Variants in SASH1 observed in about 807,000 individuals in gnomAD.
SASH1 encodes SAM and SH3 domain-containing protein 1.
SASH1 carries 44 observed loss-of-function variants against 125.2 expected under a neutral mutation model. That is an observed-to-expected ratio of 0.35 (90% CI 0.28 to 0.45). The LOEUF is 0.45. Among genes scored for constraint, SASH1 ranks in the 20% least tolerant of loss-of-function variants. The pLI is 1.00. For missense variants in SASH1, 1,426 were observed against 1,614.5 expected (o/e 0.88, Z 2.00); for synonymous variants, 639 against 649.1 (o/e 0.98, Z 0.24).
chr6:148,224,860 A>G, the SASH1 span, among the ~76,000 whole-genome samples: 1 of 152,212 alleles, frequency 6.6e-6, no homozygotes, highest in South Asian at 2.1e-4. Context: ...AGATCATCTT[A>G]GGAAAAAATA....
chr6:148,225,725 T>C, the SASH1 span, among the ~76,000 whole-genome samples: 1 of 152,130 alleles, frequency 6.6e-6, no homozygotes, highest in African/African-American at 2.4e-5. Flanking sequence ...CTATGGAAAT[T>C]TTTAAAATAA....
At chr6:148,348,367 C>A (rs1304395319) in intron 1 of SASH1, among the ~76,000 whole-genome samples, 1 of 152,208 alleles carries the variant, frequency 6.6e-6, no homozygotes, top group East Asian at 1.9e-4. Context: ...AAGTGACCTT[C>A]TTCCATGATT....
intron 4 of SASH1, among the ~76,000 whole-genome samples, chr6:148,452,637 G>A (rs959750504): frequency 3.3e-5 from 5 of 152,178 alleles, no homozygotes; most frequent in African/African-American, 7.2e-5. Flanking sequence ...CTTTTCAAGG[G>A]TGGTGCTGTG....
intron 1 of SASH1, among the ~76,000 whole-genome samples, chr6:148,378,357 A>AT (rs397888480): frequency 0.18 from 24,647 of 133,994 alleles, 2,092 homozygotes; most frequent in Middle Eastern, 0.27. Flanking sequence ...CCCGGCCACA[A>AT]TTTTTTTTTT....
chr6:148,530,582 T>TTAA (rs1781454785), intron 12 of SASH1, among the ~76,000 whole-genome samples: 1 of 152,204 alleles, frequency 6.6e-6, no homozygotes, highest in Non-Finnish European at 1.5e-5. Flanking sequence ...CGGAGCTGTG[T>TTAA]TAAGGCCCTT....
intron 8 of SASH1, chr6:148,508,380 G>GTCCTTGTCC: frequency 2.9e-6 from 2 of 683,568 alleles, no homozygotes; most frequent in Non-Finnish European, 3.6e-6. Flanking sequence ...TTAAGGGTTA[G>GTCCTTGTCC]TCCTTGTCCT....
intron 1 of SASH1, among the ~76,000 whole-genome samples, chr6:148,379,105 G>A (rs1054761132): frequency 2.0e-5 from 3 of 152,188 alleles, no homozygotes; most frequent in African/African-American, 7.2e-5. Context: ...TCATTGAAGT[G>A]TATGACAGCG....
At chr6:148,271,569 TC>T (rs1219813946), upstream of SASH1, among the ~76,000 whole-genome samples, 47 of 152,230 alleles carry the variant, frequency 3.1e-4, no homozygotes, top group African/African-American at 1.1e-3. Flanking sequence ...TTTCTATGTT[TC>T]CTTTAGATGT....
chr6:148,459,258 G>A (rs1018111622), intron 4 of SASH1, among the ~76,000 whole-genome samples: 1 of 152,134 alleles, frequency 6.6e-6, no homozygotes, highest in Admixed American at 6.5e-5. Context: ...GACCCACTGA[G>A]GGGTTTTTGG....
At chr6:148,440,110 T>C in intron 2 of SASH1, 74 bp from the exon 3 acceptor site, 1 of 1,409,752 alleles carries the variant, frequency 7.1e-7, no homozygotes, top group Non-Finnish European at 1.0e-6. Context: ...CCCTCTCTTC[T>C]TACATGTCTA....
At chr6:148,542,879 T>TGTGTGTGC (rs1491203431) in intron 17 of SASH1, among the ~76,000 whole-genome samples, 62 of 138,906 alleles carry the variant, frequency 4.5e-4, no homozygotes, top group African/African-American at 1.5e-3. Context: ...TGTGTGTGTG[T>TGTGTGTGC]GCGCGCGCAC....
intron 1 of SASH1, among the ~76,000 whole-genome samples, chr6:148,380,428 G>A (rs998680864): frequency 6.6e-6 from 1 of 152,120 alleles, no homozygotes; most frequent in African/African-American, 2.4e-5. Flanking sequence ...ACAGCCTCAC[G>A]TTTGTGTGCC....
intron 4 of SASH1, among the ~76,000 whole-genome samples, chr6:148,453,877 T>C (rs1024329928): frequency 3.9e-5 from 6 of 152,014 alleles, no homozygotes; most frequent in Admixed American, 2.6e-4. Context: ...AGGGTTCTAT[T>C]TGAGAAGTAG....
intron 1 of SASH1, among the ~76,000 whole-genome samples, chr6:148,375,456 A>G (rs1343955380): frequency 1.3e-5 from 2 of 152,100 alleles, no homozygotes; most frequent in Admixed American, 1.3e-4. Context: ...ACGGAAGACA[A>G]TTTCATTAAC....
intron 7 of SASH1, among the ~76,000 whole-genome samples, chr6:148,475,876 A>C (rs747512067): frequency 6.6e-6 from 1 of 152,242 alleles, no homozygotes; most frequent in Non-Finnish European, 1.5e-5. Flanking sequence ...TAATCTATAA[A>C]TTAGGTATAA....
chr6:148,198,797 A>AT, the SASH1 span, among the ~76,000 whole-genome samples: 1 of 152,218 alleles, frequency 6.6e-6, no homozygotes, highest in South Asian at 2.1e-4. Context: ...AAATTAAGAC[A>AT]TTTTCACATA....
the SASH1 span, among the ~76,000 whole-genome samples, chr6:148,245,859 G>A: frequency 6.6e-6 from 1 of 151,876 alleles, no homozygotes; most frequent in African/African-American, 2.4e-5. Flanking sequence ...CATGGTGGTG[G>A]GCGCCTGTAG....
the SASH1 span, among the ~76,000 whole-genome samples, chr6:148,250,432 G>A: frequency 6.6e-6 from 1 of 152,006 alleles, no homozygotes; most frequent in African/African-American, 2.4e-5. Context: ...ACTTCTTAAG[G>A]GTTCTTAAGT....
chr6:148,299,600 G>T (rs1210210917), intron 1 of SASH1, among the ~76,000 whole-genome samples: 1 of 150,146 alleles, frequency 6.7e-6, no homozygotes, highest in Non-Finnish European at 1.5e-5. Context: ...CTGGGAGGTG[G>T]CGGTTGCAGT....
Sources: gnomAD v4.1 joint callset for allele counts (sites outside exome capture counted in the v4.1 genomes callset) on GRCh38, gnomAD v4.1.1 for gene constraint, MANE v1.5 for transcripts, NCBI Gene and HGNC (gene_info 2026-07-23, HGNC 2026-07-21) for gene names.